The following PACSIN2 variants were observed in gnomAD, a reference collection of about 807,000 sequenced individuals.
The protein encoded by PACSIN2 is protein kinase C and casein kinase substrate in neurons 2, also known as protein kinase C and casein kinase substrate in neurons protein 2.
Under a neutral mutation model 63.8 loss-of-function variants are expected in PACSIN2, and 25 were observed. That is an observed-to-expected ratio of 0.39 (90% CI 0.29 to 0.55). PACSIN2 has a LOEUF of 0.55. Among genes scored for constraint, PACSIN2 ranks in the 20% least tolerant of loss-of-function variants. The pLI, the probability that PACSIN2 is intolerant of heterozygous loss-of-function variation, is 0.62. For synonymous variants in PACSIN2, 255 were observed against 256.2 expected (o/e 1.00, Z 0.05); for missense variants, 518 against 646.9 (o/e 0.80, Z 2.16).
At chr22:42,944,971 C>T (rs1332010377) in intron 1 of PACSIN2, among the ~76,000 whole-genome samples, 1 of 151,944 alleles carries the variant, frequency 6.6e-6, no homozygotes, top group Non-Finnish European at 1.5e-5. Context: ...GGTGGTACGC[C>T]CCTGTAGTTT....
rs1555903337 is a variant in PACSIN2, at chr22:42,871,331, C to CA, written c.*25_*26insT. On this transcript the variant is annotated 3_prime_UTR_variant, in exon 11 of 11. Coordinates refer to ENST00000263246, the MANE Select transcript of PACSIN2 (RefSeq NM_001184970.3). This position sits in a 1 kb window ranked among gnomAD's most constrained non-coding sequence, Gnocchi z 5.4. ...AGGCTCCTGGGCCCGCCGCCTCCGT[C>CA]CCCCCGCTGGCCTGTCCCCGACTCA... is the stretch of plus-strand genomic sequence containing the variant. The CA allele has an allele frequency of 1.4e-6, 2 of 1,402,772 alleles. No homozygotes were observed. Among genetic ancestry groups the CA allele is most frequent in the East Asian group, 4.6e-5 (2 of 43,398 alleles). 86.9% of individuals were successfully genotyped at this position (1,402,772 alleles called of 1,614,324 possible).
intron 5 of PACSIN2, among the ~76,000 whole-genome samples, chr22:42,885,617 C>T (rs1309789226): frequency 6.6e-6 from 1 of 152,080 alleles, no homozygotes; most frequent in Non-Finnish European, 1.5e-5. Context: ...CCCAGATGCT[C>T]TCCTCTGACT....
intron 2 of PACSIN2, among the ~76,000 whole-genome samples, chr22:42,898,114 C>T (rs1470945330): frequency 1.3e-5 from 2 of 152,032 alleles, no homozygotes; most frequent in Non-Finnish European, 2.9e-5. Context: ...TCAGTGGAAC[C>T]CAGGGCATGC....
intron 1 of PACSIN2, chr22:42,959,955 C>G (rs1934071705): frequency 6.6e-6 from 1 of 152,280 alleles, no homozygotes; most frequent in Non-Finnish European, 1.5e-5. Context: ...TTCCCATACA[C>G]TGCTGCATTC....
intron 1 of PACSIN2, chr22:42,947,147 T>C (rs974529928): frequency 6.6e-5 from 10 of 152,080 alleles, no homozygotes; most frequent in South Asian, 4.2e-4. Context: ...CTGGCATAAA[T>C]AGAAGGAAAA....
intron 1 of PACSIN2, among the ~76,000 whole-genome samples, chr22:42,918,747 G>T (rs767802918): frequency 1.3e-5 from 2 of 152,212 alleles, no homozygotes; most frequent in Non-Finnish European, 2.9e-5. Flanking sequence ...ACCTGCCAGG[G>T]AGGCTGGAGC....
intron 1 of PACSIN2, among the ~76,000 whole-genome samples, chr22:42,990,031 TATATGTATATATATATATATACACAC>T (rs1922931215): frequency 8.4e-5 from 2 of 23,678 alleles, no homozygotes; most frequent in Non-Finnish European, 1.4e-4. Context: ...CATATGTATA[TATATGTATATATATATATATACACAC>T]ACATATGTGT....
intron 1 of PACSIN2, among the ~76,000 whole-genome samples, chr22:43,009,744 A>T (rs917268876): frequency 6.6e-6 from 1 of 152,198 alleles, no homozygotes; most frequent in Non-Finnish European, 1.5e-5. Flanking sequence ...GCCACAGAAT[A>T]TGTACTATAA....
chr22:42,982,869 T>TAAAAAAAAAAAAAA lies in PACSIN2; in HGVS notation c.-78+32138_-78+32151dup, dbSNP rs1252040629. 2.2e-3 allele frequency among the ~76,000 whole-genome samples: 97 copies of TAAAAAAAAAAAAAA among 43,900 alleles called. 4 individuals are homozygous for TAAAAAAAAAAAAAA. The highest frequency in any genetic ancestry group is 3.2e-3 in the Non-Finnish European group (65 of 20,282). The allele number at this position is 43,900 out of a possible 152,430, so 28.8% of individuals were successfully genotyped here. ...GCGAGAAACACCAAAGAATGATCAA[T>TAAAAAAAAAAAAAA]AAAAAAAAAAAAAAAAAAAAACAAC... On this transcript the variant is annotated intron_variant, in intron 1 of 10. Coordinates refer to ENST00000263246, the MANE Select transcript of PACSIN2 (RefSeq NM_001184970.3).
chr22:42,972,799 C>T (rs1316175484), intron 1 of PACSIN2, among the ~76,000 whole-genome samples: 1 of 152,084 alleles, frequency 6.6e-6, no homozygotes, highest in Non-Finnish European at 1.5e-5. Context: ...TGGGCTGAAG[C>T]CATGTTCCCG....
chr22:42,926,185 A>G (rs967904048), intron 1 of PACSIN2, among the ~76,000 whole-genome samples: 1 of 152,232 alleles, frequency 6.6e-6, no homozygotes, highest in African/African-American at 2.4e-5. Context: ...ATCTCTCTGG[A>G]ACATGGTGTA....
At chr22:42,988,017 T>C (rs893027407) in intron 1 of PACSIN2, among the ~76,000 whole-genome samples, 1 of 152,034 alleles carries the variant, frequency 6.6e-6, no homozygotes, top group Non-Finnish European at 1.5e-5. Context: ...GGCACATCCC[T>C]GTAGTCCCAG....
At chr22:42,948,024 C>T (rs958373526) in intron 1 of PACSIN2, among the ~76,000 whole-genome samples, 3 of 152,178 alleles carry the variant, frequency 2.0e-5, no homozygotes, top group East Asian at 1.9e-4. Context: ...CAACATGCTA[C>T]GGGGACACAT....
At chr22:42,951,052 G>A (rs1039146817) in intron 1 of PACSIN2, among the ~76,000 whole-genome samples, 1 of 152,112 alleles carries the variant, frequency 6.6e-6, no homozygotes, top group African/African-American at 2.4e-5. Flanking sequence ...TCTGGGTGGT[G>A]GAACATGAAA....
intron 1 of PACSIN2, among the ~76,000 whole-genome samples, chr22:43,012,210 C>G (rs555053850): frequency 2.2e-4 from 31 of 143,922 alleles, no homozygotes; most frequent in African/African-American, 8.0e-4. Context: ...TACAAACATA[C>G]AAAAACTAGC....
At chr22:43,010,930 T>G (rs766695952) in intron 1 of PACSIN2, among the ~76,000 whole-genome samples, 5 of 152,232 alleles carry the variant, frequency 3.3e-5, no homozygotes, top group Non-Finnish European at 7.3e-5. Flanking sequence ...TGCTCTTTGG[T>G]GGCCACTGTC....
At chr22:42,966,005 G>A (rs919178466) in intron 1 of PACSIN2, among the ~76,000 whole-genome samples, 6 of 152,116 alleles carry the variant, frequency 3.9e-5, no homozygotes, top group African/African-American at 7.2e-5. Context: ...TCTTTTGGCT[G>A]AGAACAGGGT....
chr22:42,944,796 A>G (rs1933337321), intron 1 of PACSIN2, among the ~76,000 whole-genome samples: 1 of 152,126 alleles, frequency 6.6e-6, no homozygotes. Flanking sequence ...CTACACATCA[A>G]CTTATAAGGT....
intron 4 of PACSIN2, among the ~76,000 whole-genome samples, chr22:42,889,409 ATCCT>A (rs967497813): frequency 8.4e-5 from 3 of 35,516 alleles, no homozygotes; most frequent in Admixed American, 3.0e-4. Flanking sequence ...CTCTTAACAG[ATCCT>A]TCCTTATTTG....
Sources: gnomAD v4.1 joint callset for allele counts (sites outside exome capture counted in the v4.1 genomes callset) on GRCh38, gnomAD v4.1.1 for gene constraint, Gnocchi (gnomAD v3.1) non-coding constraint, MANE v1.5 for transcripts, NCBI Gene and HGNC (gene_info 2026-07-23, HGNC 2026-07-21) for gene names.